PIK3R3: variants seen among roughly 807,000 people sequenced by gnomAD.
PIK3R3 encodes the protein phosphoinositide-3-kinase regulatory subunit 3, also known as phosphatidylinositol 3-kinase regulatory subunit gamma.
A neutral mutation model predicts 62.9 loss-of-function variants in PIK3R3; 64 were observed. That is an observed-to-expected ratio of 1.02 (90% CI 0.83 to 1.25). The LOEUF (loss-of-function observed/expected upper bound fraction) is 1.25, where lower values mean the gene tolerates loss of function less well. Ranked by LOEUF, PIK3R3 falls within the 50% of genes most tolerant of loss-of-function variation. The probability of loss-of-function intolerance (pLI) is 0.00; values close to 1 mark genes in which losing one functional copy is unlikely to be tolerated. For synonymous variants in PIK3R3, 165 were observed against 189.0 expected (o/e 0.87, Z 1.04); for missense variants, 614 against 561.6 (o/e 1.09, Z -0.94).
At chr1:46,063,468 C>G (rs1648706693) in intron 5 of PIK3R3, among the ~76,000 whole-genome samples, 1 of 152,186 alleles carries the variant, frequency 6.6e-6, no homozygotes, top group African/African-American at 2.4e-5. Context: ...TAGTGGAGAG[C>G]TTTAGCTCCC....
intron 1 of PIK3R3, among the ~76,000 whole-genome samples, chr1:46,100,238 T>C (rs1450212782): frequency 6.6e-6 from 1 of 152,200 alleles, no homozygotes; most frequent in Non-Finnish European, 1.5e-5. Flanking sequence ...CCTAGTATCA[T>C]AAAAACATTC....
intron 1 of PIK3R3, among the ~76,000 whole-genome samples, chr1:46,095,748 A>G (rs1211945509): frequency 6.6e-6 from 1 of 152,232 alleles, no homozygotes; most frequent in Non-Finnish European, 1.5e-5. Flanking sequence ...AGATTGATAC[A>G]TTAATGTGAT....
intron 1 of PIK3R3, among the ~76,000 whole-genome samples, chr1:46,082,906 C>T (rs1439142909): frequency 6.6e-6 from 1 of 151,972 alleles, no homozygotes; most frequent in Non-Finnish European, 1.5e-5. Context: ...TGATTAAACC[C>T]CATCTCTACT....
At chr1:46,173,620 A>T in the PIK3R3 span, among the ~76,000 whole-genome samples, 1 of 152,082 alleles carries the variant, frequency 6.6e-6, no homozygotes, top group Admixed American at 6.6e-5. Context: ...GAGCCACCTA[A>T]ACTGAGGTGG....
Position 46,075,597 on chromosome 1 carries a change from A to G in PIK3R3, c.314+1918T>C, listed in dbSNP as rs1283724392. The stretch of plus-strand genomic sequence containing the variant: ...TGACCATGCCACTGCACTCCAGCCT[A>G]GGAGACAGAGCAATAACCTGTGTTA... On this transcript the variant is annotated intron_variant, in intron 3 of 9. Transcript: ENST00000262741. 6.6e-5 allele frequency among the ~76,000 whole-genome samples: 10 copies of G among 152,014 alleles called. No homozygotes were observed. In the East Asian group the frequency reaches 1.9e-3, roughly 29 times the overall value.
At chr1:46,090,927 T>A (rs1308871152) in intron 1 of PIK3R3, among the ~76,000 whole-genome samples, 1 of 152,196 alleles carries the variant, frequency 6.6e-6, no homozygotes, top group African/African-American at 2.4e-5. Context: ...ATTGTGGTAT[T>A]GATGATCTGC....
chr1:46,107,286 G>C (rs1236928111), intron 1 of PIK3R3, among the ~76,000 whole-genome samples: 1 of 152,096 alleles, frequency 6.6e-6, no homozygotes, highest in Non-Finnish European at 1.5e-5. Context: ...GGAGGTTGCA[G>C]TAAGCCTAGA....
At chr1:46,170,702 C>T in the PIK3R3 span, among the ~76,000 whole-genome samples, 5 of 152,088 alleles carry the variant, frequency 3.3e-5, no homozygotes, top group East Asian at 3.9e-4. Context: ...ATTACAGGCG[C>T]GAGCCACCGC....
intron 1 of PIK3R3, among the ~76,000 whole-genome samples, chr1:46,094,807 A>C (rs1651964205): frequency 6.6e-6 from 1 of 152,230 alleles, no homozygotes; most frequent in Admixed American, 6.5e-5. Flanking sequence ...TGGCAAAACT[A>C]ATCTCTGAAT....
chr1:46,044,563 CA>C lies in PIK3R3; in HGVS notation c.1188-693del, dbSNP rs1647062300. On this transcript the variant is annotated intron_variant, in intron 9 of 9. Coordinates refer to ENST00000262741, the MANE Select transcript of PIK3R3 (RefSeq NM_003629.4). This position sits in a 1 kb window ranked among gnomAD's most constrained non-coding sequence, Gnocchi z 4.2. ...TACATTTCCACTCAGATAACTTCAACAGCCCAAGTCAAGGAGAAATGAAATG... is the reference window on the plus strand; with the variant it reads ...TACATTTCCACTCAGATAACTTCAACGCCCAAGTCAAGGAGAAATGAAATG... Among the ~76,000 whole-genome samples, 1 of 152,158 alleles carries C rather than the reference CA, an allele frequency of 6.6e-6. No individual in the cohort carries two copies. Among genetic ancestry groups the C allele is most frequent in the South Asian group, 2.1e-4 (1 of 4,830 alleles).
At chr1:46,156,390 C>T in the PIK3R3 span, among the ~76,000 whole-genome samples, 1 of 147,446 alleles carries the variant, frequency 6.8e-6, no homozygotes, top group Non-Finnish European at 1.5e-5. Context: ...ACCCTGGAGA[C>T]GGAGGTTCCA....
chr1:46,055,967 T>A lies in PIK3R3; in HGVS notation c.769A>T (p.Met257Leu). The A allele has an allele frequency of 6.3e-7, 1 of 1,581,376 alleles. No individual in the cohort carries two copies. The highest frequency in any genetic ancestry group is 1.4e-5 in the African/African-American group (1 of 72,994). ...GATTTCAATTTATCATAATTCATCA[T>A]AATTCTGTAAAAATATTTGACATGT... The part of the protein sequence containing the change: ...EGNEKEIERI[M>L]MNYDKLKSRL... The change falls in exon 7 of 10, where the codon ATG becomes TTG. Residue 257 changes from methionine (M) to leucine (L), a missense_variant. By Grantham distance (15) the Met-to-Leu change is conservative. Coordinates refer to ENST00000262741, the MANE Select transcript of PIK3R3 (RefSeq NM_003629.4).
chr1:46,056,047 A>T, intron 6 of PIK3R3, 76 bp from the exon 7 acceptor site: 7 of 932,396 alleles, frequency 7.5e-6, no homozygotes, highest in East Asian at 2.8e-5. Context: ...CACGGTCCTA[A>T]TATCCTTTTT....
chr1:46,138,255 T>C, the PIK3R3 span, among the ~76,000 whole-genome samples: 1 of 152,224 alleles, frequency 6.6e-6, no homozygotes, highest in Non-Finnish European at 1.5e-5. Flanking sequence ...TTCTGGAATG[T>C]CCAATAATTG....
chr1:46,110,545 G>A (rs116297810), intron 1 of PIK3R3, among the ~76,000 whole-genome samples: 3,739 of 151,842 alleles, frequency 0.025, 160 homozygotes, highest in African/African-American at 0.086. Context: ...TGATTCTACA[G>A]AGCTCTTCTC....
At chr1:46,106,521 C>T (rs144438104) in intron 1 of PIK3R3, among the ~76,000 whole-genome samples, 44 of 152,268 alleles carry the variant, frequency 2.9e-4, no homozygotes, top group African/African-American at 1.0e-3. Flanking sequence ...TTTTCTTCCA[C>T]TAACCATAGT....
At chr1:46,105,928 A>G (rs1653164501) in intron 1 of PIK3R3, among the ~76,000 whole-genome samples, 1 of 152,238 alleles carries the variant, frequency 6.6e-6, no homozygotes, top group South Asian at 2.1e-4. Flanking sequence ...AAGATATGGC[A>G]TAAATGAAGA....
the PIK3R3 span, among the ~76,000 whole-genome samples, chr1:46,145,373 A>T: frequency 0.78 from 114,630 of 146,436 alleles, 44,486 homozygotes; most frequent in Non-Finnish European, 0.86. Context: ...TAACTTTTTA[A>T]AAAAAAAAAA....
chr1:46,126,281 T>C (rs1021562880), intron 1 of PIK3R3, among the ~76,000 whole-genome samples: 6 of 150,342 alleles, frequency 4.0e-5, no homozygotes, highest in Admixed American at 1.3e-4. Flanking sequence ...CTCACACCTA[T>C]AATCCCAGCA....
Sources: gnomAD v4.1 joint callset for allele counts (sites outside exome capture counted in the v4.1 genomes callset) on GRCh38, gnomAD v4.1.1 for gene constraint, Gnocchi (gnomAD v3.1) non-coding constraint, MANE v1.5 for transcripts, NCBI Gene and HGNC (gene_info 2026-07-23, HGNC 2026-07-21) for gene names.